FHIT: variants seen among roughly 807,000 people sequenced by gnomAD.
FHIT encodes fragile histidine triad diadenosine triphosphatase, also known as bis(5'-adenosyl)-triphosphatase.
Under a neutral mutation model 17.9 loss-of-function variants are expected in FHIT, and 19 were observed. The observed-to-expected ratio is 1.06, with a 90% CI of 0.74 to 1.56. FHIT has a LOEUF of 1.56. Ranked by LOEUF, FHIT falls within the 40% of genes most tolerant of loss-of-function variation. The probability of loss-of-function intolerance (pLI) is 0.00; values close to 1 mark genes in which losing one functional copy is unlikely to be tolerated. For synonymous variants in FHIT, 81 were observed against 69.7 expected, an observed-to-expected ratio of 1.16 and a Z score of -0.81; for missense variants, 248 against 189.2, an observed-to-expected ratio of 1.31 and a Z score of -1.82.
intron 4 of FHIT, among the ~76,000 whole-genome samples, chr3:60,803,063 T>C (rs1701250947): frequency 6.6e-6 from 1 of 152,152 alleles, no homozygotes; most frequent in Admixed American, 6.5e-5. Flanking sequence ...CAACTGTTGA[T>C]GGCATCACCC....
In FHIT at chr3:61,122,156, G is replaced by A. The variant is rs183468993; in HGVS notation, c.-164+78461C>T. On this transcript the variant is annotated intron_variant, in intron 2 of 9. Coordinates refer to ENST00000492590, the MANE Select transcript of FHIT (RefSeq NM_002012.4). ...AGCATGGTACTGGTACCAAAACAGA[G>A]ATATAGACCAATGGAACAGAACAGA... Among the ~76,000 whole-genome samples the A allele has an allele frequency of 7.6e-3, 1,156 of 152,174 alleles. 17 individuals carry two copies. The highest frequency in any genetic ancestry group is 0.026 in the African/African-American group (1,087 of 41,522).
chr3:60,402,034 T>C (rs2734360), intron 5 of FHIT, among the ~76,000 whole-genome samples: 6 of 152,102 alleles, frequency 3.9e-5, no homozygotes, highest in African/African-American at 1.4e-4. Flanking sequence ...AGACACAAAA[T>C]GCATGCTTGA....
At chr3:60,709,616 C>T (rs1404316341) in intron 4 of FHIT, among the ~76,000 whole-genome samples, 3 of 152,176 alleles carry the variant, frequency 2.0e-5, no homozygotes, top group Non-Finnish European at 4.4e-5. Context: ...AATAGTGGTT[C>T]ATTGGATTAT....
intron 5 of FHIT, among the ~76,000 whole-genome samples, chr3:60,265,402 G>T (rs1392111350): frequency 6.6e-6 from 1 of 151,892 alleles, no homozygotes; most frequent in East Asian, 1.9e-4. Flanking sequence ...CTACTTCATA[G>T]AATATATAAA....
intron 5 of FHIT, among the ~76,000 whole-genome samples, chr3:60,491,995 T>C (rs1420225488): frequency 6.6e-6 from 1 of 152,206 alleles, no homozygotes; most frequent in East Asian, 1.9e-4. Flanking sequence ...CTCGTTTATG[T>C]GAAACAATCT....
At chr3:60,993,810 T>C (rs1386962868) in intron 3 of FHIT, among the ~76,000 whole-genome samples, 1 of 152,194 alleles carries the variant, frequency 6.6e-6, no homozygotes, top group Non-Finnish European at 1.5e-5. Context: ...AACGAGGGCC[T>C]AGAAATTCTG....
chr3:59,772,845 G>A (rs182998583), intron 8 of FHIT, among the ~76,000 whole-genome samples: 1 of 152,218 alleles, frequency 6.6e-6, no homozygotes, highest in Admixed American at 6.5e-5. Flanking sequence ...GGTGGTCAGC[G>A]AATATCGAGG....
intron 5 of FHIT, among the ~76,000 whole-genome samples, chr3:60,278,239 A>G (rs1486013022): frequency 6.6e-6 from 1 of 152,170 alleles, no homozygotes; most frequent in African/African-American, 2.4e-5. Context: ...AAGTCTGGAG[A>G]AAAATCTCAG....
At chr3:61,143,272 AAC>A (rs1266832587) in intron 2 of FHIT, among the ~76,000 whole-genome samples, 4 of 152,222 alleles carry the variant, frequency 2.6e-5, no homozygotes, top group African/African-American at 9.6e-5. Flanking sequence ...GAAAGAAAAA[AAC>A]AGTCATGAGT....
intron 7 of FHIT, among the ~76,000 whole-genome samples, chr3:59,982,008 A>T (rs1708676302): frequency 6.6e-6 from 1 of 152,112 alleles, no homozygotes; most frequent in Admixed American, 6.5e-5. Flanking sequence ...AGTTGACTTC[A>T]CTTCTTTCTG....
chr3:60,614,816 TTTTG>T lies in FHIT; in HGVS notation c.-17-77841_-17-77838del, dbSNP rs2038897962. 3.0e-5 allele frequency among the ~76,000 whole-genome samples: 2 copies of T among 67,482 alleles called. 1 individual carries two copies. The highest frequency in any genetic ancestry group is 3.3e-4 in the Admixed American group (2 of 6,006). The allele number at this position is 67,482 out of a possible 152,430, so 44.3% of individuals were successfully genotyped here. A position where few individuals can be genotyped will look rare whatever the true frequency, so the allele number is the denominator to read the frequency against. Reference sequence around the variant, plus strand: ...TAAAAAATTGCAAAAGTTGTTTTTTTTTTGTTTTTTTTTTGTTTTTTTTTTGTTT... The same window carrying T: ...TAAAAAATTGCAAAAGTTGTTTTTTTTTTTTTTTTTGTTTTTTTTTTGTTT... On this transcript the variant is annotated intron_variant, in intron 4 of 9. Transcript: ENST00000492590.
chr3:60,648,591 G>A (rs1296545741), intron 4 of FHIT, among the ~76,000 whole-genome samples: 1 of 152,086 alleles, frequency 6.6e-6, no homozygotes, highest in African/African-American at 2.4e-5. Flanking sequence ...AGGAAGGGGG[G>A]CACTTACATA....
chr3:60,086,814 G>A (rs1265195150), intron 5 of FHIT, among the ~76,000 whole-genome samples: 10 of 152,188 alleles, frequency 6.6e-5, no homozygotes, highest in Non-Finnish European at 7.3e-5. Context: ...TCCTTGGTTG[G>A]AGTTGAATGC....
chr3:61,027,427 C>T (rs1371566203), intron 3 of FHIT, among the ~76,000 whole-genome samples: 2 of 152,192 alleles, frequency 1.3e-5, no homozygotes, highest in Non-Finnish European at 2.9e-5. Context: ...CTTATTTGCA[C>T]CTATTGTATT....
intron 5 of FHIT, among the ~76,000 whole-genome samples, chr3:60,188,565 G>T (rs1305033515): frequency 3.3e-5 from 5 of 152,084 alleles, no homozygotes; most frequent in Non-Finnish European, 5.9e-5. Context: ...CAGATTTTGT[G>T]AAGTTTCATA....
intron 2 of FHIT, among the ~76,000 whole-genome samples, chr3:61,071,209 T>C (rs1292884532): frequency 1.3e-5 from 2 of 152,104 alleles, no homozygotes; most frequent in Non-Finnish European, 2.9e-5. Context: ...ATAACTTCCA[T>C]ATCTACTCCA....
At chr3:59,793,135 A>G (rs1699638685) in intron 8 of FHIT, among the ~76,000 whole-genome samples, 1 of 152,084 alleles carries the variant, frequency 6.6e-6, no homozygotes, top group African/African-American at 2.4e-5. Context: ...GCATAAATGA[A>G]AATTGCAAAG....
chr3:60,113,169 A>C (rs1406596684), intron 5 of FHIT, among the ~76,000 whole-genome samples: 1 of 152,024 alleles, frequency 6.6e-6, no homozygotes, highest in African/African-American at 2.4e-5. Flanking sequence ...CAATTTACTT[A>C]TTTGCCTGCT....
intron 2 of FHIT, among the ~76,000 whole-genome samples, chr3:61,072,359 C>CCCT (rs1292834220): frequency 1.3e-5 from 2 of 152,150 alleles, no homozygotes; most frequent in Non-Finnish European, 2.9e-5. Flanking sequence ...AACTTCATTC[C>CCCT]CCTTGCAAGG....
Sources: gnomAD v4.1 joint callset for allele counts (sites outside exome capture counted in the v4.1 genomes callset) on GRCh38, gnomAD v4.1.1 for gene constraint, MANE v1.5 for transcripts, NCBI Gene and HGNC (gene_info 2026-07-23, HGNC 2026-07-21) for gene names.